Variants in CNTNAP2 observed in about 807,000 individuals in gnomAD.
The protein encoded by CNTNAP2 is contactin associated protein 2.
Under a neutral mutation model 155.2 loss-of-function variants are expected in CNTNAP2, and 98 were observed. That is an observed-to-expected ratio of 0.63 (90% CI 0.54 to 0.75). The LOEUF is 0.75. CNTNAP2 is among the 30% of genes least tolerant of loss of function. The pLI is 0.00. For synonymous variants in CNTNAP2, 651 were observed against 631.2 expected (o/e 1.03, Z -0.47); for missense variants, 1,727 against 1,688.1 (o/e 1.02, Z -0.40).
At chr7:147,482,249 G>T (rs1435691257) in intron 10 of CNTNAP2, among the ~76,000 whole-genome samples, 1 of 152,048 alleles carries the variant, frequency 6.6e-6, no homozygotes, top group African/African-American at 2.4e-5. Context: ...TAGGAAAGGG[G>T]TAGCTAGGTT....
intron 2 of CNTNAP2, among the ~76,000 whole-genome samples, chr7:146,796,402 A>T (rs942946907): frequency 1.6e-4 from 24 of 152,260 alleles, no homozygotes; most frequent in African/African-American, 5.5e-4. Flanking sequence ...GAGCGGCTGT[A>T]AAATTGGGGT....
At chr7:147,627,328 A>G (rs1794999587) in intron 12 of CNTNAP2, among the ~76,000 whole-genome samples, 1 of 152,352 alleles carries the variant, frequency 6.6e-6, no homozygotes. Context: ...AAATCTCTGA[A>G]TAGCCAGATA....
intron 17 of CNTNAP2, among the ~76,000 whole-genome samples, chr7:148,152,548 C>T (rs752538600): frequency 9.2e-5 from 14 of 152,142 alleles, no homozygotes; most frequent in Admixed American, 1.3e-4. Flanking sequence ...TTGTGACCTC[C>T]GGCCACATGA....
chr7:147,196,970 T>A (rs1802814340), intron 8 of CNTNAP2, among the ~76,000 whole-genome samples: 1 of 152,072 alleles, frequency 6.6e-6, no homozygotes. Flanking sequence ...TAAGGCTGAT[T>A]TACGCGGACT....
At chr7:146,172,659 C>CAGAAATGAAAAT (rs1798412203) in intron 1 of CNTNAP2, among the ~76,000 whole-genome samples, 1 of 152,010 alleles carries the variant, frequency 6.6e-6, no homozygotes, top group African/African-American at 2.4e-5. Flanking sequence ...CTGATCATTA[C>CAGAAATGAAAAT]GTGTTTTCAT....
chr7:147,274,296 C>T (rs944637105), intron 8 of CNTNAP2, among the ~76,000 whole-genome samples: 81 of 152,214 alleles, frequency 5.3e-4, no homozygotes, highest in African/African-American at 1.8e-3. Context: ...TCCCTTTTCT[C>T]CGCATCCTTA....
At chr7:148,354,823 AC>A (rs1250906889) in intron 21 of CNTNAP2, among the ~76,000 whole-genome samples, 1 of 151,920 alleles carries the variant, frequency 6.6e-6, no homozygotes, top group East Asian at 1.9e-4. Context: ...GCAAGAACTT[AC>A]CTTCCTGAGC....
chr7:147,751,691 G>A (rs1584937577), intron 13 of CNTNAP2, among the ~76,000 whole-genome samples: 2 of 152,296 alleles, frequency 1.3e-5, no homozygotes, highest in African/African-American at 2.4e-5. Context: ...TTCGAATGAC[G>A]ACATCAAAAA....
At chr7:148,046,161 GC>G (rs1802770387) in intron 15 of CNTNAP2, among the ~76,000 whole-genome samples, 2 of 152,096 alleles carry the variant, frequency 1.3e-5, no homozygotes, top group Admixed American at 6.5e-5. Context: ...GCTCACTGCA[GC>G]CTCAACCTCC....
intron 13 of CNTNAP2, among the ~76,000 whole-genome samples, chr7:147,694,008 T>C (rs1796128138): frequency 6.6e-6 from 1 of 152,010 alleles, no homozygotes; most frequent in African/African-American, 2.4e-5. Context: ...AGTAGGAAGC[T>C]CCCCTTTATT....
At chr7:146,479,540 T>C (rs982083179) in intron 1 of CNTNAP2, among the ~76,000 whole-genome samples, 1 of 152,074 alleles carries the variant, frequency 6.6e-6, no homozygotes, top group East Asian at 1.9e-4. Flanking sequence ...ATTATTCTTA[T>C]GCTAAAAAGC....
At chr7:147,235,282 G>A (rs181404884) in intron 8 of CNTNAP2, among the ~76,000 whole-genome samples, 34 of 151,964 alleles carry the variant, frequency 2.2e-4, no homozygotes, top group African/African-American at 7.2e-4. Flanking sequence ...TTAGACTTGC[G>A]AGGTTCTGTG....
intron 1 of CNTNAP2, among the ~76,000 whole-genome samples, chr7:146,281,887 A>C (rs544220089): frequency 6.6e-6 from 1 of 152,332 alleles, no homozygotes; most frequent in East Asian, 1.9e-4. Flanking sequence ...AATATGAAAT[A>C]ATGTGCATAA....
intron 13 of CNTNAP2, among the ~76,000 whole-genome samples, chr7:147,756,126 C>T (rs1308418048): frequency 5.9e-5 from 9 of 152,248 alleles, no homozygotes; most frequent in African/African-American, 1.7e-4. Flanking sequence ...AATTTCAAAA[C>T]GTGATTGTTC....
intron 9 of CNTNAP2, among the ~76,000 whole-genome samples, chr7:147,301,311 A>T (rs1794941866): frequency 6.6e-6 from 1 of 152,234 alleles, no homozygotes; most frequent in Non-Finnish European, 1.5e-5. Context: ...TCCTGTCAGA[A>T]AATGATCTTT....
At chr7:147,415,441 G>C (rs1477104016) in intron 10 of CNTNAP2, among the ~76,000 whole-genome samples, 1 of 152,186 alleles carries the variant, frequency 6.6e-6, no homozygotes. Context: ...CCCCCATGCT[G>C]TTCTTGATAG....
chr7:146,953,487 G>T (rs1270470703), intron 3 of CNTNAP2, among the ~76,000 whole-genome samples: 1 of 151,936 alleles, frequency 6.6e-6, no homozygotes, highest in Non-Finnish European at 1.5e-5. Flanking sequence ...TTCAGTAAAT[G>T]CTAGCTATTT....
At chr7:148,061,033 A>G (rs1803118502) in intron 15 of CNTNAP2, among the ~76,000 whole-genome samples, 1 of 152,262 alleles carries the variant, frequency 6.6e-6, no homozygotes, top group African/African-American at 2.4e-5. Flanking sequence ...CATTAAAGCA[A>G]TCTCTAAAGG....
intron 3 of CNTNAP2, among the ~76,000 whole-genome samples, chr7:147,011,418 C>CAA (rs759844476): frequency 0.11 from 1,486 of 13,210 alleles, 228 homozygotes; most frequent in African/African-American, 0.23. Context: ...CACTCCATCT[C>CAA]AAAAAAAAAA....
Sources: gnomAD v4.1 joint callset for allele counts (sites outside exome capture counted in the v4.1 genomes callset) on GRCh38, gnomAD v4.1.1 for gene constraint, MANE v1.5 for transcripts, NCBI Gene and HGNC (gene_info 2026-07-23, HGNC 2026-07-21) for gene names.